The following PTPRN2 variants were observed in gnomAD, a reference collection of about 807,000 sequenced individuals.
PTPRN2 encodes the protein receptor-type tyrosine-protein phosphatase N2.
Under a neutral mutation model 118.8 loss-of-function variants are expected in PTPRN2, and 74 were observed. That is an observed-to-expected ratio of 0.62 (90% confidence interval 0.52 to 0.76). PTPRN2 has a LOEUF of 0.76. Ranked by LOEUF, PTPRN2 falls within the 30% of genes least tolerant of loss-of-function variation. PTPRN2 has a pLI of 0.00. For missense variants in PTPRN2, 1,481 were observed against 1,394.4 expected, an observed-to-expected ratio of 1.06 and a Z score of -0.99; for synonymous variants, 641 against 608.0, an observed-to-expected ratio of 1.05 and a Z score of -0.80.
At chr7:157,759,453 G>A (rs929113421) in intron 12 of PTPRN2, among the ~76,000 whole-genome samples, 1 of 152,228 alleles carries the variant, frequency 6.6e-6, no homozygotes, top group Non-Finnish European at 1.5e-5. Context: ...CAGCCGCTTG[G>A]CCCAGGAGCC....
intron 1 of PTPRN2, among the ~76,000 whole-genome samples, chr7:158,556,976 A>C (rs1042563878): frequency 1.1e-4 from 16 of 143,496 alleles, no homozygotes; most frequent in African/African-American, 4.2e-4. Context: ...GCTCCCGCAC[A>C]GGTCAGGCGG....
intron 6 of PTPRN2, among the ~76,000 whole-genome samples, chr7:158,145,301 T>C (rs117210144): frequency 0.026 from 2,206 of 85,158 alleles, 76 homozygotes; most frequent in African/African-American, 0.058. Flanking sequence ...TACCACAGCT[T>C]GGCAAGGTTT....
intron 6 of PTPRN2, among the ~76,000 whole-genome samples, chr7:158,149,924 T>G (rs935244926): frequency 6.6e-6 from 1 of 151,972 alleles, no homozygotes; most frequent in Non-Finnish European, 1.5e-5. Context: ...TTAAATTTAA[T>G]ATAAAATAAA....
At chr7:158,074,134 C>G (rs953159563) in intron 11 of PTPRN2, among the ~76,000 whole-genome samples, 1 of 152,172 alleles carries the variant, frequency 6.6e-6, no homozygotes, top group Non-Finnish European at 1.5e-5. Context: ...GGAAACTCAG[C>G]GACGCCCACA....
chr7:158,141,832 C>T (rs1397155322), intron 6 of PTPRN2, among the ~76,000 whole-genome samples: 1 of 152,204 alleles, frequency 6.6e-6, no homozygotes, highest in Non-Finnish European at 1.5e-5. Context: ...ATTTCTGAGA[C>T]AGCATTATGT....
At chr7:158,086,978 C>G (rs1046937790) in intron 10 of PTPRN2, among the ~76,000 whole-genome samples, 1 of 152,162 alleles carries the variant, frequency 6.6e-6, no homozygotes, top group Non-Finnish European at 1.5e-5. Flanking sequence ...TTTGTTTAAC[C>G]GCCACTTCCT....
chr7:157,926,568 G>T (rs1214782333), intron 11 of PTPRN2, among the ~76,000 whole-genome samples: 2 of 152,188 alleles, frequency 1.3e-5, no homozygotes, highest in African/African-American at 4.8e-5. Context: ...GTGGAGGCAG[G>T]GAGGGCCTTG....
chr7:157,634,018 C>A (rs960913612), intron 14 of PTPRN2, among the ~76,000 whole-genome samples: 1 of 152,126 alleles, frequency 6.6e-6, no homozygotes, highest in African/African-American at 2.4e-5. Flanking sequence ...TGGGGAACAG[C>A]GCGTGGGGAA....
Position 158,505,749 on chromosome 7 carries a change from C to T in PTPRN2, c.113-15964G>A, listed in dbSNP as rs956567282. 3.9e-5 allele frequency among the ~76,000 whole-genome samples: 6 copies of T among 152,052 alleles called. No homozygotes were observed. In the East Asian group the frequency reaches 7.8e-4, roughly 20 times the overall value. ...GGAGGGGGGTGGGGTGACCTGAGCA[C>T]GCGCCTCACTCCTGGAACCCTGATT... is the stretch of plus-strand genomic sequence containing the variant. On this transcript the variant is annotated intron_variant, in intron 1 of 22. Coordinates refer to ENST00000389418, the MANE Select transcript of PTPRN2 (RefSeq NM_002847.5).
At chr7:157,999,409 G>C (rs1201014854) in intron 11 of PTPRN2, among the ~76,000 whole-genome samples, 1 of 152,116 alleles carries the variant, frequency 6.6e-6, no homozygotes, top group Non-Finnish European at 1.5e-5. Context: ...TCGTTTTCAC[G>C]TGCCACGGAG....
At chr7:157,696,000 C>A (rs576357654) in intron 12 of PTPRN2, among the ~76,000 whole-genome samples, 2 of 147,466 alleles carry the variant, frequency 1.4e-5, no homozygotes, top group African/African-American at 5.0e-5. Flanking sequence ...CACCATCTAC[C>A]CATGCATACT....
chr7:158,527,914 T>C (rs1464394046), intron 1 of PTPRN2, among the ~76,000 whole-genome samples: 2 of 125,372 alleles, frequency 1.6e-5, no homozygotes, highest in African/African-American at 6.0e-5. Flanking sequence ...CACCTTCCTG[T>C]GTAGCAGGGA....
chr7:157,653,227 C>G (rs879506689), intron 14 of PTPRN2, among the ~76,000 whole-genome samples: 2 of 152,194 alleles, frequency 1.3e-5, no homozygotes, highest in African/African-American at 4.8e-5. Flanking sequence ...TCAGATGCCA[C>G]GTTTTGTCCA....
chr7:158,064,413 T>A (rs1009897269), intron 11 of PTPRN2, among the ~76,000 whole-genome samples: 6 of 151,912 alleles, frequency 3.9e-5, no homozygotes, highest in African/African-American at 1.5e-4. Context: ...GGGAGGTGCA[T>A]GAGGGAGCTG....
intron 2 of PTPRN2, among the ~76,000 whole-genome samples, chr7:158,406,275 CACT>C (rs1319865213): frequency 4.0e-4 from 50 of 125,858 alleles, no homozygotes; most frequent in African/African-American, 1.5e-3. Context: ...TTTGGCTGCA[CACT>C]GAGATCCCGG....
At chr7:158,391,342 C>T (rs1811913991) in intron 2 of PTPRN2, among the ~76,000 whole-genome samples, 1 of 152,206 alleles carries the variant, frequency 6.6e-6, no homozygotes, top group South Asian at 2.1e-4. Flanking sequence ...CGCTCCCTCT[C>T]CTGGCCAAGC....
Position 157,684,442 on chromosome 7 carries a change from A to C in PTPRN2, c.1789-1505T>G, listed in dbSNP as rs532933106. Among the ~76,000 whole-genome samples, 441 of 98,410 alleles carry C rather than the reference A, an allele frequency of 4.5e-3. 5 individuals are homozygous for C. The highest frequency in any genetic ancestry group is 0.017 in the African/African-American group (423 of 25,120). The allele number at this position is 98,410 out of a possible 152,430, so 64.6% of individuals were successfully genotyped here. ...CGCGGGGTGGGGGAGGGGAGTGAGC[A>C]GGGAGCCGGGAGAGGGAGGAGGGGC... On this transcript the variant is annotated intron_variant, in intron 12 of 22. Coordinates refer to ENST00000389418, the MANE Select transcript of PTPRN2 (RefSeq NM_002847.5).
intron 22 of PTPRN2, among the ~76,000 whole-genome samples, chr7:157,545,992 G>A (rs1798302049): frequency 6.6e-6 from 1 of 152,208 alleles, no homozygotes; most frequent in South Asian, 2.1e-4. Flanking sequence ...TCGGGGCGAT[G>A]TTGGGCAGCG....
intron 11 of PTPRN2, among the ~76,000 whole-genome samples, chr7:157,909,632 G>C (rs933586543): frequency 1.3e-5 from 2 of 152,206 alleles, no homozygotes; most frequent in Non-Finnish European, 2.9e-5. Flanking sequence ...GTTTGTTCCT[G>C]ACCCTCAAAT....
Sources: gnomAD v4.1 joint callset for allele counts (sites outside exome capture counted in the v4.1 genomes callset) on GRCh38, gnomAD v4.1.1 for gene constraint, MANE v1.5 for transcripts, NCBI Gene and HGNC (gene_info 2026-07-23, HGNC 2026-07-21) for gene names.